The following STEEP1 variants were observed in gnomAD, a reference collection of about 807,000 sequenced individuals.
STEEP1 encodes the protein STING ER exit protein.
A neutral mutation model predicts 19.2 loss-of-function variants in STEEP1; 3 were observed. The observed-to-expected ratio is 0.16, with a 90% CI of 0.07 to 0.40. The LOEUF (loss-of-function observed/expected upper bound fraction) is 0.40, where lower values mean the gene tolerates loss of function less well. Among genes scored for constraint, STEEP1 ranks in the 10% least tolerant of loss-of-function variants. STEEP1 has a pLI of 0.99. For synonymous variants in STEEP1, 46 were observed against 63.7 expected, an observed-to-expected ratio of 0.72 and a Z score of 1.32; for missense variants, 54 against 177.1, an observed-to-expected ratio of 0.30 and a Z score of 3.94.
intron 2 of STEEP1, among the ~76,000 whole-genome samples, chrX:119,551,417 T>C (rs988945306): frequency 5.6e-5 from 6 of 106,937 alleles, no homozygotes; most frequent in East Asian, 2.9e-4. Context: ...GAGGTGGAGA[T>C]TGTAGTGAAC....
At chrX:119,545,555 C>A (rs1319024512) in intron 2 of STEEP1, 51 bp from the exon 3 acceptor site, 1 of 871,939 alleles carries the variant, frequency 1.1e-6, no homozygotes, top group Admixed American at 2.3e-5. Context: ...CATTATGTAT[C>A]AACCTTACTA....
chrX:119,548,504 A>G (rs1400674615), intron 2 of STEEP1, among the ~76,000 whole-genome samples: 1 of 90,928 alleles, frequency 1.1e-5, no homozygotes, highest in Non-Finnish European at 2.1e-5. Context: ...ACTGCACTCC[A>G]GCCTGGTGAC....
At chrX:119,547,382 A>G (rs186254199) in intron 2 of STEEP1, among the ~76,000 whole-genome samples, 4 of 112,219 alleles carry the variant, frequency 3.6e-5, no homozygotes, top group Non-Finnish European at 7.5e-5. Flanking sequence ...GACTCACACT[A>G]CCAATATACT....
intron 1 of STEEP1, among the ~76,000 whole-genome samples, chrX:119,562,514 CA>C: frequency 1.0e-5 from 1 of 99,739 alleles, no homozygotes; most frequent in East Asian, 3.0e-4. Flanking sequence ...GCCTGGGCAA[CA>C]AGAGCGAAAC....
rs372710342 is a variant in STEEP1, at chrX:119,549,333, T to C, written c.243-3829A>G. 3.1e-4 allele frequency among the ~76,000 whole-genome samples: 35 copies of C among 111,980 alleles called. 1 individual carries two copies. Among genetic ancestry groups the C allele is most frequent in the African/African-American group, 1.1e-3 (34 of 30,862 alleles). The stretch of plus-strand genomic sequence containing the variant: ...TATCAAAATATCAAGCTGTATCCCT[T>C]AAACATATACAATTTTTGTCAATTA... On this transcript the variant is annotated intron_variant, in intron 2 of 6. Coordinates refer to ENST00000644802, the MANE Select transcript of STEEP1 (RefSeq NM_022101.4).
At chrX:119,550,643 C>A (rs747567012) in intron 2 of STEEP1, among the ~76,000 whole-genome samples, 1 of 111,831 alleles carries the variant, frequency 8.9e-6, no homozygotes. Flanking sequence ...TCTTCATATG[C>A]TTGGATTAGG....
chrX:119,561,734 A>G (rs886608683), intron 1 of STEEP1, among the ~76,000 whole-genome samples: 1 of 112,163 alleles, frequency 8.9e-6, no homozygotes. Flanking sequence ...CTAAAGGATC[A>G]CAGAGAAAGT....
chrX:119,562,918 G>C (rs1210262978), intron 1 of STEEP1, among the ~76,000 whole-genome samples: 1 of 111,124 alleles, frequency 9.0e-6, no homozygotes, highest in African/African-American at 3.3e-5. Context: ...GAGGGATTGA[G>C]GGAAAAGTTT....
chrX:119,542,212 G>A (rs561266089), intron 5 of STEEP1, among the ~76,000 whole-genome samples: 4 of 108,291 alleles, frequency 3.7e-5, no homozygotes, highest in African/African-American at 1.0e-4. Context: ...GATTACAGGC[G>A]CGCACCAACA....
At chrX:119,549,329 C>A (rs2053229031) in intron 2 of STEEP1, among the ~76,000 whole-genome samples, 1 of 111,484 alleles carries the variant, frequency 9.0e-6, no homozygotes, top group Non-Finnish European at 1.9e-5. Flanking sequence ...CAAGCTGTAT[C>A]CCTTAAACAT....
At chrX:119,546,390 G>A (rs984478210) in intron 2 of STEEP1, among the ~76,000 whole-genome samples, 1 of 102,262 alleles carries the variant, frequency 9.8e-6, no homozygotes, top group Admixed American at 1.1e-4. Flanking sequence ...GCAGTGAGCC[G>A]AGTTCACGCC....
chrX:119,546,440 CAA>C (rs140234168), intron 2 of STEEP1, among the ~76,000 whole-genome samples: 1 of 73,612 alleles, frequency 1.4e-5, no homozygotes. Flanking sequence ...GACTCCATCT[CAA>C]AAAAAAAAAA....
intron 6 of STEEP1, among the ~76,000 whole-genome samples, chrX:119,540,320 C>T (rs1026732342): frequency 9.0e-6 from 1 of 111,293 alleles, no homozygotes; most frequent in African/African-American, 3.3e-5. Flanking sequence ...AATTACAAAT[C>T]TGTTCATGGA....
rs772496355 is a variant in STEEP1, at chrX:119,565,374, G to C, written c.-19C>G. On this transcript the variant is annotated 5_prime_UTR_variant, in exon 1 of 7. Coordinates refer to ENST00000644802, the MANE Select transcript of STEEP1 (RefSeq NM_022101.4). ...TCGGCATGATTCCCAAGAGCAATCT[G>C]AAAACTCTACGCCAAGAAGAGGGTC... 38 of 1,158,950 alleles carry C rather than the reference G, an allele frequency of 3.3e-5. No homozygotes were observed. Among genetic ancestry groups the C allele is most frequent in the Middle Eastern group, 4.8e-4 (2 of 4,203 alleles).
Position 119,539,571 on chromosome X carries a change from C to G in STEEP1, c.*156G>C, listed in dbSNP as rs2053148970. On this transcript the variant is annotated 3_prime_UTR_variant, in exon 7 of 7. Transcript: ENST00000644802. ...AAAAAGAAAGCAAGTTAAATGGACTCAGTTAAAGACCTCACTGAATGTAGG... is the reference window on the plus strand; with the variant it reads ...AAAAAGAAAGCAAGTTAAATGGACTGAGTTAAAGACCTCACTGAATGTAGG... The G allele has an allele frequency of 2.6e-6, 1 of 387,744 alleles. No homozygotes were observed. Among genetic ancestry groups the G allele is most frequent in the African/African-American group, 2.6e-5 (1 of 38,270 alleles). The allele number at this position is 387,744 out of a possible 1,213,427, so 32.0% of individuals were successfully genotyped here. A position where few individuals can be genotyped will look rare whatever the true frequency, so the allele number is the denominator to read the frequency against.
chrX:119,547,314 C>A (rs2053212856), intron 2 of STEEP1, among the ~76,000 whole-genome samples: 1 of 111,542 alleles, frequency 9.0e-6, no homozygotes, highest in Non-Finnish European at 1.9e-5. Context: ...GAAGTGTGTA[C>A]ATTTTAAATT....
chrX:119,542,149 C>G lies in STEEP1; in HGVS notation c.513+356G>C, dbSNP rs148382258. Among the ~76,000 whole-genome samples, 482 of 105,901 alleles carry G rather than the reference C, an allele frequency of 4.6e-3. 4 individuals are homozygous for G. The highest frequency in any genetic ancestry group is 0.016 in the African/African-American group (466 of 28,953). The allele number at this position is 105,901 out of a possible 115,157, so 92.0% of individuals were successfully genotyped here. ...TGGCGCAATCTCGGTTCACTGAAGC[C>G]TCCACCTCCCGGGTTCAAGCGATTC... On this transcript the variant is annotated intron_variant, in intron 5 of 6. Coordinates refer to ENST00000644802, the MANE Select transcript of STEEP1 (RefSeq NM_022101.4).
Position 119,556,439 on chromosome X carries a change from C to T in STEEP1, c.242+3829G>A, listed in dbSNP as rs138725887. The stretch of plus-strand genomic sequence containing the variant: ...TCTACTAAAAACACAAAAAATTAGC[C>T]GGGCGTGGTTGCAGGCACCTGTAGT... On this transcript the variant is annotated intron_variant, in intron 2 of 6. Coordinates refer to ENST00000644802, the MANE Select transcript of STEEP1 (RefSeq NM_022101.4). Among the ~76,000 whole-genome samples, 927 of 110,035 alleles carry T rather than the reference C, an allele frequency of 8.4e-3. 11 individuals carry two copies. Among genetic ancestry groups the T allele is most frequent in the African/African-American group, 0.03 (895 of 30,284 alleles).
chrX:119,558,164 C>T (rs185146951), intron 2 of STEEP1, among the ~76,000 whole-genome samples: 2,357 of 111,493 alleles, frequency 0.021, 60 homozygotes, highest in African/African-American at 0.073. Flanking sequence ...CCACCTCAGC[C>T]TCTCAAAGTG....
Sources: gnomAD v4.1 joint callset for allele counts (sites outside exome capture counted in the v4.1 genomes callset) on GRCh38, gnomAD v4.1.1 for gene constraint, MANE v1.5 for transcripts, NCBI Gene and HGNC (gene_info 2026-07-23, HGNC 2026-07-21) for gene names.